KIDINS220: variants seen among roughly 807,000 people sequenced by gnomAD.
KIDINS220 encodes the protein kinase D interacting substrate 220.
Under a neutral mutation model 157.6 loss-of-function variants are expected in KIDINS220, and 63 were observed. The ratio of observed to expected loss-of-function variants is 0.40; its 90% CI spans 0.33 to 0.49. The LOEUF is 0.49. Ranked by LOEUF, KIDINS220 falls within the 20% of genes least tolerant of loss-of-function variation. The pLI, the probability that KIDINS220 is intolerant of heterozygous loss-of-function variation, is 0.66. For synonymous variants in KIDINS220, 732 were observed against 783.6 expected (o/e 0.93, Z 1.10); for missense variants, 1,772 against 2,171.2 (o/e 0.82, Z 3.65).
rs1455934684 is a variant in KIDINS220, at chr2:8,803,182, AT to A, written c.604-56del. The A allele has an allele frequency of 1.8e-5, 24 of 1,333,474 alleles. No individual in the cohort carries two copies. In the East Asian group the frequency reaches 5.8e-4, roughly 32 times the overall value. The allele number at this position is 1,333,474 out of a possible 1,614,324, so 82.6% of individuals were successfully genotyped here. ...AAACGCAAGCCCAAGAAATTAATGT[AT>A]TCTAGAAAATATATGATTTATGCCA... is the stretch of plus-strand genomic sequence containing the variant. On this transcript the variant is annotated intron_variant, in intron 7 of 29. Transcript: ENST00000256707.
intron 27 of KIDINS220, among the ~76,000 whole-genome samples, chr2:8,735,791 C>T (rs1038660096): frequency 6.6e-6 from 1 of 152,188 alleles, no homozygotes; most frequent in Non-Finnish European, 1.5e-5. Context: ...CCTGCTGCAA[C>T]AATGCCGCGG....
intron 1 of KIDINS220, among the ~76,000 whole-genome samples, chr2:8,827,849 A>G (rs1679042904): frequency 6.6e-6 from 1 of 152,202 alleles, no homozygotes; most frequent in African/African-American, 2.4e-5. Flanking sequence ...AAACTTTAAC[A>G]TATATCAGAA....
chr2:8,742,207 C>A (rs1397097388), intron 26 of KIDINS220, among the ~76,000 whole-genome samples: 7 of 152,008 alleles, frequency 4.6e-5, no homozygotes, highest in African/African-American at 1.4e-4. Context: ...CTGATCCTCT[C>A]ACCTCAGCCT....
At chr2:8,773,706 A>G (rs1298273796) in intron 21 of KIDINS220, among the ~76,000 whole-genome samples, 3 of 152,044 alleles carry the variant, frequency 2.0e-5, no homozygotes, top group Non-Finnish European at 4.4e-5. Context: ...TCCTGAGCTC[A>G]GGTGATCCAC....
At chr2:8,773,003 T>C (rs952711655) in intron 21 of KIDINS220, among the ~76,000 whole-genome samples, 2 of 152,176 alleles carry the variant, frequency 1.3e-5, no homozygotes, top group Admixed American at 1.3e-4. Context: ...CTAATGTTAC[T>C]CAATGAAATG....
chr2:8,787,515 C>T (rs182293987), intron 15 of KIDINS220, among the ~76,000 whole-genome samples: 10 of 151,796 alleles, frequency 6.6e-5, no homozygotes, highest in South Asian at 2.1e-4. Context: ...ACTACAGGCA[C>T]GCACCACCAC....
At chr2:8,787,859 GAC>G (rs1328313939) in intron 15 of KIDINS220, among the ~76,000 whole-genome samples, 1 of 151,158 alleles carries the variant, frequency 6.6e-6, no homozygotes, top group Non-Finnish European at 1.5e-5. Context: ...ATTTTAGACA[GAC>G]ATGTGAATAT....
rs750500853 is a variant in KIDINS220 at position 8,790,007 on chromosome 2, T to C, written c.1494A>G (p.Ser498=). 1.9e-6 allele frequency: 3 copies of C among 1,611,458 alleles called. No individual in the cohort carries two copies. The highest frequency in any genetic ancestry group is 2.5e-6 in the Non-Finnish European group (3 of 1,179,338). ...GQQIEPLFQF[S]WLIVFLTLLL... Reference sequence around the variant, plus strand: ...GCAGGGTAAGAAACACTATGAGCCATGAGAACTGAAAGAGAGGCTCAATCT... The same window carrying C: ...GCAGGGTAAGAAACACTATGAGCCACGAGAACTGAAAGAGAGGCTCAATCT... Residue 498 remains serine, a synonymous_variant, in exon 14 of 30, where the codon TCA becomes TCG. Coordinates refer to ENST00000256707, the MANE Select transcript of KIDINS220 (RefSeq NM_020738.4).
intron 4 of KIDINS220, 52 bp downstream of exon 4, chr2:8,817,566 A>G: frequency 5.0e-6 from 5 of 1,008,788 alleles, no homozygotes; most frequent in Non-Finnish European, 7.5e-6. Flanking sequence ...ACACATATCT[A>G]TGATTATAAA....
chr2:8,802,495 A>C (rs774336549), intron 8 of KIDINS220, among the ~76,000 whole-genome samples: 2 of 152,240 alleles, frequency 1.3e-5, no homozygotes, highest in Non-Finnish European at 2.9e-5. Context: ...CAAGAGGCTG[A>C]ATGATGGTAC....
intron 3 of KIDINS220, among the ~76,000 whole-genome samples, chr2:8,817,933 G>C (rs1677326180): frequency 6.6e-6 from 1 of 152,096 alleles, no homozygotes; most frequent in Non-Finnish European, 1.5e-5. Flanking sequence ...CTTTACAACT[G>C]CTTGTTCAGT....
intron 12 of KIDINS220, 32 bp downstream of exon 12, chr2:8,793,778 A>T: frequency 2.0e-6 from 3 of 1,536,680 alleles, no homozygotes; most frequent in Non-Finnish European, 2.6e-6. Context: ...GATTATTTAA[A>T]AGCTCAGTTA....
intron 1 of KIDINS220, among the ~76,000 whole-genome samples, chr2:8,827,786 T>C (rs1426749925): frequency 1.3e-5 from 2 of 152,222 alleles, no homozygotes; most frequent in African/African-American, 2.4e-5. Flanking sequence ...AAACATCACA[T>C]TGTACCCCTA....
chr2:8,759,441 C>G (rs1200071560), intron 22 of KIDINS220, among the ~76,000 whole-genome samples: 1 of 150,772 alleles, frequency 6.6e-6, no homozygotes, highest in East Asian at 1.9e-4. Flanking sequence ...ACATCAGGGC[C>G]CAAGATTATG....
At chr2:8,792,454 C>T (rs1673322789) in intron 12 of KIDINS220, among the ~76,000 whole-genome samples, 1 of 152,066 alleles carries the variant, frequency 6.6e-6, no homozygotes, top group African/African-American at 2.4e-5. Flanking sequence ...AGGAAACTGG[C>T]AAGAATACAA....
intron 22 of KIDINS220, among the ~76,000 whole-genome samples, chr2:8,754,862 ATTAT>A (rs1572512668): frequency 6.6e-6 from 1 of 152,228 alleles, no homozygotes; most frequent in East Asian, 1.9e-4. Flanking sequence ...TAATAATGTC[ATTAT>A]TTAGTAGGAT....
rs1353299360 is a variant in KIDINS220 at position 8,730,635 on chromosome 2, A to C, written c.*85T>G. On this transcript the variant is annotated 3_prime_UTR_variant, in exon 30 of 30. Coordinates refer to ENST00000256707, the MANE Select transcript of KIDINS220 (RefSeq NM_020738.4). The stretch of plus-strand genomic sequence containing the variant: ...TAGTTATCTGTCAGCAAAATGTAGA[A>C]AGGTGATGGGCGTGGATGGAGTCAA... 4 of 1,496,272 alleles carry C rather than the reference A, an allele frequency of 2.7e-6. No individual in the cohort carries two copies. Among genetic ancestry groups the C allele is most frequent in the Non-Finnish European group, 3.5e-6 (4 of 1,131,124 alleles). The allele number at this position is 1,496,272 out of a possible 1,614,324, so 92.7% of individuals were successfully genotyped here. A position where few individuals can be genotyped will look rare whatever the true frequency, so the allele number is the denominator to read the frequency against.
At chr2:8,762,611 C>T (rs180933341) in intron 22 of KIDINS220, among the ~76,000 whole-genome samples, 4 of 151,922 alleles carry the variant, frequency 2.6e-5, no homozygotes, top group Non-Finnish European at 4.4e-5. Flanking sequence ...TGGTGGTGGG[C>T]GCCTGTAGTC....
chr2:8,759,667 A>C lies in KIDINS220; in HGVS notation c.3012-8023T>G, dbSNP rs73912899. ...CCTAGGTTCAAGTACAATACTGGTAAGGCACTGTCTTCATTCATGTCTACG... is the reference window on the plus strand; with the variant it reads ...CCTAGGTTCAAGTACAATACTGGTACGGCACTGTCTTCATTCATGTCTACG... On this transcript the variant is annotated intron_variant, in intron 22 of 29. Transcript: ENST00000256707. Among the ~76,000 whole-genome samples the C allele has an allele frequency of 3.7e-3, 568 of 151,588 alleles. 3 individuals carry two copies. The highest frequency in any genetic ancestry group is 0.013 in the African/African-American group (542 of 41,262).
Sources: allele counts gnomAD v4.1 joint callset (sites outside exome capture counted in the v4.1 genomes callset), GRCh38; gene constraint gnomAD v4.1.1; transcripts MANE v1.5; gene names NCBI Gene and HGNC (gene_info 2026-07-23, HGNC 2026-07-21).